The following ENPP1 variants were observed in gnomAD, a reference collection of about 807,000 sequenced individuals.
ENPP1 encodes ectonucleotide pyrophosphatase/phosphodiesterase 1.
ENPP1 carries 73 observed loss-of-function variants against 122.8 expected under a neutral mutation model. The observed-to-expected ratio is 0.59, with a 90% CI of 0.49 to 0.72. The LOEUF (loss-of-function observed/expected upper bound fraction) is 0.72, where lower values mean the gene tolerates loss of function less well. Among genes scored for constraint, ENPP1 ranks in the 30% least tolerant of loss-of-function variants. The pLI, the probability that ENPP1 is intolerant of heterozygous loss-of-function variation, is 0.00. For missense variants in ENPP1, 978 were observed against 1,128.1 expected (o/e 0.87, Z 1.91); for synonymous variants, 367 against 391.6 (o/e 0.94, Z 0.74).
intron 1 of ENPP1, among the ~76,000 whole-genome samples, chr6:131,817,247 C>T (rs532093308): frequency 6.6e-6 from 1 of 152,302 alleles, no homozygotes; most frequent in Middle Eastern, 3.4e-3. Context: ...ATGTTATATC[C>T]TATTCATCAA....
At chr6:131,812,542 T>C (rs1333317271) in intron 1 of ENPP1, among the ~76,000 whole-genome samples, 3 of 152,212 alleles carry the variant, frequency 2.0e-5, no homozygotes, top group African/African-American at 7.2e-5. Flanking sequence ...GAGAAACTTA[T>C]AAGGCCTTGA....
At chr6:131,875,001 AAAC>A (rs1357154303) in intron 16 of ENPP1, among the ~76,000 whole-genome samples, 2 of 152,272 alleles carry the variant, frequency 1.3e-5, no homozygotes, top group Non-Finnish European at 2.9e-5. Flanking sequence ...AGTGGTAGCT[AAAC>A]AGTAGGCAAA....
chr6:131,873,195 C>CA (rs1376550481), intron 15 of ENPP1, 145 bp downstream of exon 15: 1 of 978,900 alleles, frequency 1.0e-6, no homozygotes, highest in Non-Finnish European at 1.6e-6. Flanking sequence ...CTAATGTCGG[C>CA]CTATGGATGT....
intron 1 of ENPP1, among the ~76,000 whole-genome samples, chr6:131,846,494 C>T (rs893227563): frequency 4.6e-5 from 7 of 152,140 alleles, no homozygotes; most frequent in African/African-American, 1.2e-4. Flanking sequence ...ATTTCCCCCC[C>T]ATTCAGAGCC....
At chr6:131,828,995 GA>G (rs1462676186) in intron 1 of ENPP1, among the ~76,000 whole-genome samples, 1 of 152,156 alleles carries the variant, frequency 6.6e-6, no homozygotes, top group African/African-American at 2.4e-5. Context: ...AATTATTTCA[GA>G]AAAAAACAGC....
intron 7 of ENPP1, 73 bp from the exon 8 acceptor site, chr6:131,860,314 A>G: frequency 1.7e-6 from 2 of 1,173,298 alleles, no homozygotes; most frequent in South Asian, 1.3e-5. Context: ...TTTCTTTTTG[A>G]TGATTTTTTT....
intron 1 of ENPP1, chr6:131,826,252 CTGT>C (rs140890421): frequency 0.014 from 14,241 of 1,026,036 alleles, 149 homozygotes; most frequent in Non-Finnish European, 0.017. Context: ...TAGCATCTCA[CTGT>C]TGTTGTTGGT....
intron 18 of ENPP1, chr6:131,877,866 A>AAATATAT (rs1562183349): frequency 1.9e-5 from 1 of 53,026 alleles, no homozygotes; most frequent in Non-Finnish European, 3.0e-5. Context: ...AAAAAAAAAA[A>AAATATAT]ATATATATAT....
intron 15 of ENPP1, among the ~76,000 whole-genome samples, chr6:131,873,309 T>C (rs1202078077): frequency 6.6e-6 from 1 of 152,180 alleles, no homozygotes; most frequent in African/African-American, 2.4e-5. Context: ...GCACTTCTTC[T>C]GTAATGTGAC....
Position 131,808,108 on chromosome 6 carries a change from G to A in ENPP1, c.73G>A (p.Ala25Thr). Residue 25 changes from alanine to threonine, a missense_variant, in exon 1 of 25, where the codon GCG becomes ACG. Ala to Thr is a moderately conservative substitution (Grantham distance 58). Transcript: ENST00000647893. Reference protein sequence around the residue: ...EGGRAPREGPAGNGRDRGRSH... With the variant: ...EGGRAPREGPTGNGRDRGRSH... The stretch of plus-strand genomic sequence containing the variant: ...CGGGCGCGCTCCCCGGGAGGGCCCG[G>A]CGGGGAACGGCCGCGATCGGGGCCG... The A allele has an allele frequency of 8.2e-7, 1 of 1,226,254 alleles. No homozygotes were observed. The highest frequency in any genetic ancestry group is 3.2e-4 in the Middle Eastern group (1 of 3,102). 76.0% of individuals were successfully genotyped at this position (1,226,254 alleles called of 1,614,324 possible). A position where few individuals can be genotyped will look rare whatever the true frequency, so the allele number is the denominator to read the frequency against.
chr6:131,879,496 C>A (rs1266957513), intron 19 of ENPP1, among the ~76,000 whole-genome samples: 1 of 151,986 alleles, frequency 6.6e-6, no homozygotes, highest in Non-Finnish European at 1.5e-5. Flanking sequence ...AATTTCAATT[C>A]TGAACTTCTG....
At chr6:131,858,502 G>C (rs1426281545) in intron 6 of ENPP1, among the ~76,000 whole-genome samples, 166 bp from the exon 7 acceptor site, 2 of 152,134 alleles carry the variant, frequency 1.3e-5, no homozygotes, top group Admixed American at 1.3e-4. Flanking sequence ...GATTGGATTT[G>C]TATCCACAGT....
chr6:131,837,172 T>TTGTGTGTGTGTGTGTGTGTG (rs67550562), intron 1 of ENPP1, among the ~76,000 whole-genome samples: 1 of 135,974 alleles, frequency 7.4e-6, no homozygotes, highest in Non-Finnish European at 1.6e-5. Flanking sequence ...CCTGTTGTCA[T>TTGTGTGTGTGTGTGTGTGTG]TGTGTGTGTG....
At chr6:131,875,937 T>A in intron 17 of ENPP1, 74 bp downstream of exon 17, 1 of 1,198,802 alleles carries the variant, frequency 8.3e-7, no homozygotes, top group South Asian at 1.2e-5. Context: ...CAGGTCACAT[T>A]GTAGGCAACT....
intron 5 of ENPP1, 53 bp from the exon 6 acceptor site, chr6:131,854,873 A>C (rs562521329): frequency 4.8e-6 from 6 of 1,238,090 alleles, no homozygotes; most frequent in South Asian, 3.6e-5. Context: ...TCTTCATTGG[A>C]TATGTCTTGT....
chr6:131,855,357 ACT>A (rs1011776879), intron 6 of ENPP1, among the ~76,000 whole-genome samples: 1 of 152,044 alleles, frequency 6.6e-6, no homozygotes, highest in African/African-American at 2.4e-5. Context: ...ACTGAGTCTC[ACT>A]CTGTCGCCCA....
At chr6:131,824,011 C>T (rs796069602) in intron 1 of ENPP1, among the ~76,000 whole-genome samples, 3 of 151,216 alleles carry the variant, frequency 2.0e-5, no homozygotes, top group African/African-American at 7.3e-5. Context: ...TGGTTTGTAA[C>T]TTATTTAACA....
intron 1 of ENPP1, chr6:131,826,975 A>G: frequency 2.5e-6 from 1 of 406,942 alleles, no homozygotes; most frequent in South Asian, 2.6e-5. Flanking sequence ...CTGCTCCAAA[A>G]AGCCAGTGCA....
chr6:131,889,626 T>C (rs1394869301), intron 24 of ENPP1, among the ~76,000 whole-genome samples: 1 of 152,216 alleles, frequency 6.6e-6, no homozygotes, highest in Admixed American at 6.5e-5. Flanking sequence ...AGTCTATCAT[T>C]GACCATATAC....
Sources: gnomAD v4.1 joint callset for allele counts (sites outside exome capture counted in the v4.1 genomes callset) on GRCh38, gnomAD v4.1.1 for gene constraint, MANE v1.5 for transcripts, NCBI Gene and HGNC (gene_info 2026-07-23, HGNC 2026-07-21) for gene names.